Variants in RCOR1 observed in about 807,000 individuals in gnomAD.
RCOR1 encodes the protein REST corepressor 1.
RCOR1 carries 12 observed loss-of-function variants against 64.0 expected under a neutral mutation model. The observed-to-expected ratio is 0.19, with a 90% CI of 0.12 to 0.30. The LOEUF is 0.30. Among genes scored for constraint, RCOR1 ranks in the 10% least tolerant of loss-of-function variants. The probability of loss-of-function intolerance (pLI) is 1.00; values close to 1 mark genes in which losing one functional copy is unlikely to be tolerated. For synonymous variants in RCOR1, 279 were observed against 227.2 expected (o/e 1.23, Z -2.05); for missense variants, 502 against 621.2 (o/e 0.81, Z 2.04).
chr14:102,647,088 A>C (rs1489018301), intron 2 of RCOR1, among the ~76,000 whole-genome samples: 1 of 152,184 alleles, frequency 6.6e-6, no homozygotes, highest in East Asian at 1.9e-4. Flanking sequence ...TGAAAATCAC[A>C]AATCTCCACA....
At chr14:102,703,344 A>C (rs1385224063) in intron 4 of RCOR1, among the ~76,000 whole-genome samples, 1 of 152,244 alleles carries the variant, frequency 6.6e-6, no homozygotes, top group Non-Finnish European at 1.5e-5. Context: ...AAAGATGTGA[A>C]TATAAACAAA....
chr14:102,595,837 T>TCATA (rs1163826800), intron 2 of RCOR1, among the ~76,000 whole-genome samples: 1 of 152,022 alleles, frequency 6.6e-6, no homozygotes, highest in Non-Finnish European at 1.5e-5. Flanking sequence ...TCTCGGCCTC[T>TCATA]CATAGTGCTG....
chr14:102,658,307 C>T (rs1175586643), intron 2 of RCOR1, among the ~76,000 whole-genome samples: 5 of 151,814 alleles, frequency 3.3e-5, no homozygotes, highest in African/African-American at 4.8e-5. Context: ...TGGCCAGGTG[C>T]GGTGGCTTTA....
intron 2 of RCOR1, among the ~76,000 whole-genome samples, chr14:102,601,325 A>C (rs1361561295): frequency 6.6e-6 from 1 of 152,196 alleles, no homozygotes; most frequent in Non-Finnish European, 1.5e-5. Flanking sequence ...ACACTGATTT[A>C]ATACTAGGCA....
intron 2 of RCOR1, among the ~76,000 whole-genome samples, chr14:102,624,073 G>C (rs1160510029): frequency 1.3e-5 from 2 of 152,104 alleles, no homozygotes; most frequent in Non-Finnish European, 2.9e-5. Flanking sequence ...GCGGGCACCT[G>C]TAGTCCCAGC....
rs780572061 is a variant in RCOR1 at position 102,714,565 on chromosome 14, C to G, written c.1001C>G (p.Ala334Gly). Reference protein sequence around the residue: ...VEAVSANATAATTVLRQLDME... With the variant: ...VEAVSANATAGTTVLRQLDME... Reference sequence around the variant, plus strand: ...GCTGTTTCTGCCAATGCCACTGCTGCTACCACGGTGCTGAGACAACTAGAC... The same window carrying G: ...GCTGTTTCTGCCAATGCCACTGCTGGTACCACGGTGCTGAGACAACTAGAC... Residue 334 changes from alanine (A) to glycine (G), a missense_variant, in exon 8 of 12, where the codon GCT becomes GGT. Ala to Gly is a moderately conservative substitution (Grantham distance 60, BLOSUM62 0). Around this residue, in one of 2 missense-constraint regions of RCOR1, gnomAD observed 260 missense variants for 416.4 expected, o/e 0.62. Transcript: ENST00000262241. 1.9e-6 allele frequency: 3 copies of G among 1,613,576 alleles called. No individual in the cohort carries two copies. In the Admixed American group the frequency reaches 5.0e-5, roughly 27 times the overall value.
Position 102,593,051 on chromosome 14 carries a change from G to T in RCOR1, c.165G>T (p.Ser55=). Reference sequence around the variant, plus strand: ...CGGGCGCCGCCGCCTCCTCAGCCTCGGCCGCCGCCGCCTCAGCCGCCGCCG... The same window carrying T: ...CGGGCGCCGCCGCCTCCTCAGCCTCTGCCGCCGCCGCCTCAGCCGCCGCCG... ...AASGAAASSA[S]AAAASAAAAP... The change falls in exon 1 of 12, where the codon TCG becomes TCT. Residue 55 remains serine, a synonymous_variant. Transcript: ENST00000262241. 1 of 1,381,320 alleles carries T rather than the reference G, an allele frequency of 7.2e-7. No individual in the cohort carries two copies. The highest frequency in any genetic ancestry group is 9.4e-7 in the Non-Finnish European group (1 of 1,058,688). 85.6% of individuals were successfully genotyped at this position (1,381,320 alleles called of 1,614,324 possible).
At chr14:102,724,347 CAG>C (rs1379346090) in intron 11 of RCOR1, among the ~76,000 whole-genome samples, 4 of 151,314 alleles carry the variant, frequency 2.6e-5, no homozygotes, top group Admixed American at 6.6e-5. Flanking sequence ...TTTTTTGAGA[CAG>C]AGTCTCCCTC....
intron 2 of RCOR1, among the ~76,000 whole-genome samples, chr14:102,603,707 A>G (rs1893449066): frequency 6.6e-6 from 1 of 151,680 alleles, no homozygotes; most frequent in Non-Finnish European, 1.5e-5. Flanking sequence ...TGCAACCTTC[A>G]TCTCCTGGGC....
chr14:102,655,479 TG>T (rs1894704115), intron 2 of RCOR1: 1 of 981,134 alleles, frequency 1.0e-6, no homozygotes, highest in Non-Finnish European at 1.2e-6. Flanking sequence ...TATTTTCCTA[TG>T]TTTTTTATAG....
intron 2 of RCOR1, among the ~76,000 whole-genome samples, chr14:102,594,050 C>T (rs150207823): frequency 1.3e-5 from 2 of 152,236 alleles, no homozygotes; most frequent in East Asian, 3.9e-4. Flanking sequence ...AAGCCCTACA[C>T]CCTAGAATGG....
chr14:102,650,195 C>T (rs12050120), intron 2 of RCOR1, among the ~76,000 whole-genome samples: 28,789 of 129,192 alleles, frequency 0.22, 3,159 homozygotes, highest in East Asian at 0.4. Context: ...GAGACTCCAC[C>T]GCAAAAAAAA....
At chr14:102,596,546 C>T (rs1467800112) in intron 2 of RCOR1, among the ~76,000 whole-genome samples, 1 of 152,056 alleles carries the variant, frequency 6.6e-6, no homozygotes, top group East Asian at 1.9e-4. Flanking sequence ...TTTATTTCCT[C>T]CTCCTACTTG....
Position 102,724,576 on chromosome 14 carries a change from G to A in RCOR1, c.1420-1892G>A, listed in dbSNP as rs189368490. Among the ~76,000 whole-genome samples the A allele has an allele frequency of 1.5e-4, 23 of 152,190 alleles. No homozygotes were observed. The East Asian group carries it at 4.1e-3, about 27-fold the overall frequency. ...CAAAACTGCTGATCTCAAGTGATCC[G>A]CTCGCCTCTGCCTCCCAAAGTGCTG... On this transcript the variant is annotated intron_variant, in intron 11 of 11. Transcript: ENST00000262241.
intron 3 of RCOR1, among the ~76,000 whole-genome samples, chr14:102,693,629 T>C (rs983682457): frequency 5.3e-5 from 8 of 151,410 alleles, no homozygotes; most frequent in African/African-American, 1.9e-4. Context: ...GGGGTTTAGC[T>C]TCCTTTTCAG....
At chr14:102,618,534 G>A (rs867204095) in intron 2 of RCOR1, among the ~76,000 whole-genome samples, 1 of 152,062 alleles carries the variant, frequency 6.6e-6, no homozygotes, top group African/African-American at 2.4e-5. Context: ...CTTGAGCCCA[G>A]GAATTTGAGG....
chr14:102,624,397 T>G (rs1482697422), intron 2 of RCOR1, among the ~76,000 whole-genome samples: 1 of 151,502 alleles, frequency 6.6e-6, no homozygotes, highest in Non-Finnish European at 1.5e-5. Context: ...TCCCAGCTAC[T>G]TGGGAGGCTT....
intron 11 of RCOR1, among the ~76,000 whole-genome samples, chr14:102,722,781 C>A (rs1896190278): frequency 6.6e-6 from 1 of 152,214 alleles, no homozygotes; most frequent in Non-Finnish European, 1.5e-5. Context: ...TGAGGGATGT[C>A]GATGAAGCTC....
In RCOR1 at chr14:102,653,942, TC is replaced by T. The variant is rs1567423226; in HGVS notation, c.362-27952del. ...TTCCTTCTTTCTTTCTTTCTTTCTT[TC>T]TTTCTTTCTTTCTTTCTTTCTTTCT... On this transcript the variant is annotated intron_variant, in intron 2 of 11. Transcript: ENST00000262241. Among the ~76,000 whole-genome samples the T allele has an allele frequency of 7.6e-3, 334 of 43,950 alleles. 12 individuals are homozygous for T. The highest frequency in any genetic ancestry group is 0.021 in the African/African-American group (193 of 9,290). The allele number at this position is 43,950 out of a possible 152,430, so 28.8% of individuals were successfully genotyped here.
Sources: allele counts gnomAD v4.1 joint callset (sites outside exome capture counted in the v4.1 genomes callset), GRCh38; gene constraint gnomAD v4.1.1; regional missense constraint gnomAD v4.1.1; transcripts MANE v1.5; gene names NCBI Gene and HGNC (gene_info 2026-07-23, HGNC 2026-07-21).